TNFRSF10D: variants seen among roughly 807,000 people sequenced by gnomAD.
The protein encoded by TNFRSF10D is TNF receptor superfamily member 10d.
Under a neutral mutation model 42.1 loss-of-function variants are expected in TNFRSF10D, and 28 were observed. That is an observed-to-expected ratio of 0.66 (90% CI 0.49 to 0.91). The LOEUF is 0.91. TNFRSF10D is among the 40% of genes least tolerant of loss of function. The probability of loss-of-function intolerance (pLI) is 0.00; values close to 1 mark genes in which losing one functional copy is unlikely to be tolerated. For synonymous variants in TNFRSF10D, 186 were observed against 189.4 expected (o/e 0.98, Z 0.15); for missense variants, 503 against 486.1 (o/e 1.03, Z -0.33).
At chr8:23,151,731 C>A (rs373249434) in intron 2 of TNFRSF10D, among the ~76,000 whole-genome samples, 4 of 152,192 alleles carry the variant, frequency 2.6e-5, no homozygotes, top group African/African-American at 9.6e-5. Context: ...TAAAGTTAGA[C>A]ATGAACCTAA....
chr8:23,160,815 C>A (rs1375514754), intron 1 of TNFRSF10D, among the ~76,000 whole-genome samples: 2 of 152,230 alleles, frequency 1.3e-5, no homozygotes, highest in Admixed American at 6.5e-5. Flanking sequence ...GGATGGAGAC[C>A]TTTCCTGCTC....
chr8:23,138,877 G>A lies in TNFRSF10D; in HGVS notation c.955-617C>T, dbSNP rs6990923. Among the ~76,000 whole-genome samples, 1,462 of 151,986 alleles carry A rather than the reference G, an allele frequency of 9.6e-3. 4 individuals are homozygous for A. Among genetic ancestry groups the A allele is most frequent in the African/African-American group, 0.032 (1,309 of 41,346 alleles). On this transcript the variant is annotated intron_variant, in intron 7 of 8. Transcript: ENST00000312584. ...TGAGAATTTCTATATGAAACCAAAA[G>A]TGAATGCCATTGCTAAGAGTGACAC...
chr8:23,157,704 T>C (rs1298147488), intron 1 of TNFRSF10D, among the ~76,000 whole-genome samples: 1 of 152,210 alleles, frequency 6.6e-6, no homozygotes. Context: ...ACTAGGCATA[T>C]ACAATTTGTG....
intron 5 of TNFRSF10D, among the ~76,000 whole-genome samples, chr8:23,145,326 G>A (rs141739224): frequency 2.1e-4 from 32 of 152,344 alleles, no homozygotes; most frequent in African/African-American, 7.7e-4. Context: ...GACCAAGGCT[G>A]AATAAATCCC....
At chr8:23,153,992 G>A (rs1289481478) in intron 2 of TNFRSF10D, among the ~76,000 whole-genome samples, 4 of 152,114 alleles carry the variant, frequency 2.6e-5, no homozygotes, top group African/African-American at 9.7e-5. Flanking sequence ...ATGATGAAAA[G>A]GTAAAGAAAA....
chr8:23,162,988 C>A (rs1335490872), intron 1 of TNFRSF10D, among the ~76,000 whole-genome samples: 1 of 151,808 alleles, frequency 6.6e-6, no homozygotes, highest in Admixed American at 6.6e-5. Flanking sequence ...GTGGTGCAAT[C>A]TCGGCTCACT....
chr8:23,144,319 T>G (rs891354504), intron 7 of TNFRSF10D, 131 bp downstream of exon 7: 20 of 1,061,828 alleles, frequency 1.9e-5, no homozygotes, highest in Non-Finnish European at 2.7e-5. Flanking sequence ...CTCCGTCCCC[T>G]GCAGTCCCCT....
At chr8:23,143,896 T>G (rs1193378738) in intron 7 of TNFRSF10D, among the ~76,000 whole-genome samples, 2 of 152,220 alleles carry the variant, frequency 1.3e-5, no homozygotes, top group African/African-American at 4.8e-5. Context: ...TGTCCAGATT[T>G]CACACCTACT....
chr8:23,151,752 C>A (rs1045052681), intron 2 of TNFRSF10D, among the ~76,000 whole-genome samples: 10 of 151,774 alleles, frequency 6.6e-5, no homozygotes, highest in Non-Finnish European at 1.3e-4. Flanking sequence ...CTTACAAATT[C>A]AGTAGTGTTT....
At chr8:23,163,593 C>T (rs1800406800) in intron 1 of TNFRSF10D, among the ~76,000 whole-genome samples, 193 bp downstream of exon 1, 1 of 152,160 alleles carries the variant, frequency 6.6e-6, no homozygotes, top group Non-Finnish European at 1.5e-5. Context: ...TCTGCTCCCT[C>T]GCGGCCCGGT....
At chr8:23,162,905 G>A (rs1413855122) in intron 1 of TNFRSF10D, among the ~76,000 whole-genome samples, 2 of 151,242 alleles carry the variant, frequency 1.3e-5, no homozygotes, top group Non-Finnish European at 2.9e-5. Context: ...GTAAACATAG[G>A]GTTAATTTTG....
At chr8:23,138,796 C>T (rs980653234) in intron 7 of TNFRSF10D, among the ~76,000 whole-genome samples, 1 of 152,204 alleles carries the variant, frequency 6.6e-6, no homozygotes, top group Non-Finnish European at 1.5e-5. Flanking sequence ...TAAAATTAAA[C>T]AGCAATTCTG....
At chr8:23,155,815 TTCTCTCTC>T (rs57189946) in intron 1 of TNFRSF10D, among the ~76,000 whole-genome samples, 1 of 150,158 alleles carries the variant, frequency 6.7e-6, no homozygotes, top group Non-Finnish European at 1.5e-5. Flanking sequence ...TGGGTGAATA[TTCTCTCTC>T]TCTCTCTCTC....
chr8:23,138,372 CATGGAG>C, intron 7 of TNFRSF10D, 112 bp from the exon 8 acceptor site: 1 of 1,150,052 alleles, frequency 8.7e-7, no homozygotes, highest in Non-Finnish European at 1.3e-6. Flanking sequence ...CTTGGGTCTC[CATGGAG>C]ATGGAGACAA....
chr8:23,140,249 A>G (rs1814435629), intron 7 of TNFRSF10D, among the ~76,000 whole-genome samples: 1 of 152,134 alleles, frequency 6.6e-6, no homozygotes, highest in Admixed American at 6.5e-5. Flanking sequence ...AGATCGCGCC[A>G]CTGCACTCCA....
intron 7 of TNFRSF10D, among the ~76,000 whole-genome samples, chr8:23,141,857 T>C (rs1563354967): frequency 1.3e-5 from 2 of 152,228 alleles, no homozygotes; most frequent in Non-Finnish European, 2.9e-5. Context: ...ATCATTTATA[T>C]ACTTTTGGTG....
In TNFRSF10D at chr8:23,144,604, C is replaced by A. The variant is rs191751553; in HGVS notation, c.800G>T (p.Arg267Leu). 6.2e-7 allele frequency: 1 copy of A among 1,614,080 alleles called. No homozygotes were observed. The highest frequency in any genetic ancestry group is 1.1e-5 in the South Asian group (1 of 91,080). Residue 267 changes from arginine (R) to leucine (L), a missense_variant, in exon 7 of 9, where the codon CGA becomes CTA. Coordinates refer to ENST00000312584, the MANE Select transcript of TNFRSF10D (RefSeq NM_003840.5). The part of the protein sequence containing the change: ...VLFRRRSCPS[R>L]VPGAEDNARN... ...GGCATTGTCCTCCGCCCCAGGAACT[C>A]GTGAAGGACATGAACGCCGCCGGAA...
intron 1 of TNFRSF10D, among the ~76,000 whole-genome samples, chr8:23,161,323 G>A (rs62501099): frequency 0.036 from 5,473 of 152,318 alleles, 143 homozygotes; most frequent in Non-Finnish European, 0.054. Flanking sequence ...ATTCTGGGCC[G>A]TTGGATCTTT....
chr8:23,136,379 C>T lies in TNFRSF10D; in HGVS notation c.*1491G>A, dbSNP rs928046452. 3.2e-5 allele frequency: 6 copies of T among 188,424 alleles called. No homozygotes were observed. Among genetic ancestry groups the T allele is most frequent in the Admixed American group, 1.2e-4 (2 of 16,898 alleles). The allele number at this position is 188,424 out of a possible 1,614,324, so 11.7% of individuals were successfully genotyped here. A position where few individuals can be genotyped will look rare whatever the true frequency, so the allele number is the denominator to read the frequency against. On this transcript the variant is annotated 3_prime_UTR_variant, in exon 9 of 9. Coordinates refer to ENST00000312584, the MANE Select transcript of TNFRSF10D (RefSeq NM_003840.5). Reference sequence around the variant, plus strand: ...CAAACAGGGAATCTGTACCCTAAAACGCAGCTCAGGAATCTCTGCCCTAAA... The same window carrying T: ...CAAACAGGGAATCTGTACCCTAAAATGCAGCTCAGGAATCTCTGCCCTAAA...
Sources: allele counts gnomAD v4.1 joint callset (sites outside exome capture counted in the v4.1 genomes callset), GRCh38; gene constraint gnomAD v4.1.1; transcripts MANE v1.5; gene names NCBI Gene and HGNC (gene_info 2026-07-23, HGNC 2026-07-21).